CACNA1E: variants seen among roughly 807,000 people sequenced by gnomAD.
CACNA1E encodes voltage-dependent R-type calcium channel subunit alpha-1E.
CACNA1E carries 40 observed loss-of-function variants against 259.2 expected under a neutral mutation model. The observed-to-expected ratio is 0.15, with a 90% CI of 0.12 to 0.20. CACNA1E has a LOEUF of 0.20. Among genes scored for constraint, CACNA1E ranks in the 10% least tolerant of loss-of-function variants. The pLI, the probability that CACNA1E is intolerant of heterozygous loss-of-function variation, is 1.00. For synonymous variants in CACNA1E, 1,104 were observed against 1,138.5 expected, an observed-to-expected ratio of 0.97 and a Z score of 0.61; for missense variants, 1,874 against 3,040.1, an observed-to-expected ratio of 0.62 and a Z score of 9.02.
chr1:181,774,749 T>C (rs1240073344), intron 37 of CACNA1E, among the ~76,000 whole-genome samples: 1 of 152,204 alleles, frequency 6.6e-6, no homozygotes, highest in African/African-American at 2.4e-5. Flanking sequence ...ACTGTCTCCT[T>C]ATCCTGTACA....
At chr1:181,461,039 G>A (rs1487808396) in intron 2 of CACNA1E, among the ~76,000 whole-genome samples, 1 of 152,172 alleles carries the variant, frequency 6.6e-6, no homozygotes, top group Non-Finnish European at 1.5e-5. Context: ...GAATTGAGGT[G>A]GGTGCAACCT....
rs145713809 is a variant in CACNA1E, at chr1:181,454,483, AG to A, written c.435-29256del. On this transcript the variant is annotated intron_variant, in intron 2 of 11. Coordinates refer to the CACNA1E transcript ENST00000524607. ...TGAAATGAAGCTCCAAAGGCAAATCAGGGGGTGGCCCTGTCTTGACTCCCAA... is the reference window on the plus strand; with the variant it reads ...TGAAATGAAGCTCCAAAGGCAAATCAGGGGTGGCCCTGTCTTGACTCCCAA... Among the ~76,000 whole-genome samples, 327 of 152,338 alleles carry A rather than the reference AG, an allele frequency of 2.1e-3. 2 individuals are homozygous for A. Among genetic ancestry groups the A allele is most frequent in the African/African-American group, 7.6e-3 (317 of 41,582 alleles).
At chr1:181,705,648 T>C (rs1652721955) in intron 7 of CACNA1E, among the ~76,000 whole-genome samples, 1 of 152,222 alleles carries the variant, frequency 6.6e-6, no homozygotes, top group African/African-American at 2.4e-5. Context: ...GGTTTGGGGC[T>C]GGAGGAGCAA....
chr1:181,421,273 C>T (rs75866401), intron 2 of CACNA1E, among the ~76,000 whole-genome samples: 2,003 of 152,252 alleles, frequency 0.013, 15 homozygotes, highest in Non-Finnish European at 0.021. Flanking sequence ...TTGTAACCTC[C>T]GCATTTTTTG....
chr1:181,542,180 C>T (rs147938123), intron 3 of CACNA1E, among the ~76,000 whole-genome samples: 1 of 152,302 alleles, frequency 6.6e-6, no homozygotes, highest in Non-Finnish European at 1.5e-5. Flanking sequence ...CAGCTTGACT[C>T]CAACTGTGGT....
At chr1:181,716,936 G>A (rs1653950757) in intron 10 of CACNA1E, among the ~76,000 whole-genome samples, 157 bp from the exon 11 acceptor site, 2 of 152,202 alleles carry the variant, frequency 1.3e-5, no homozygotes, top group South Asian at 4.1e-4. Context: ...ACTGCCTATA[G>A]AAACTACTGA....
chr1:181,796,602 G>A, intron 46 of CACNA1E, 66 bp from the exon 47 acceptor site: 1 of 1,212,338 alleles, frequency 8.2e-7, no homozygotes, highest in Non-Finnish European at 1.1e-6. Flanking sequence ...TTGGAGAGAA[G>A]TCCCTTCATC....
chr1:181,576,269 C>T (rs1399155849), intron 3 of CACNA1E, among the ~76,000 whole-genome samples: 1 of 152,198 alleles, frequency 6.6e-6, no homozygotes, highest in Admixed American at 6.5e-5. Flanking sequence ...TTTAAATAAC[C>T]TTTACCCCAT....
intron 1 of CACNA1E, among the ~76,000 whole-genome samples, chr1:181,408,724 A>C (rs1000983096): frequency 1.3e-5 from 2 of 152,216 alleles, no homozygotes; most frequent in African/African-American, 4.8e-5. Flanking sequence ...TCATTAACCA[A>C]ACTTAGCAAT....
intron 1 of CACNA1E, among the ~76,000 whole-genome samples, chr1:181,382,243 C>T (rs1411172124): frequency 6.6e-6 from 1 of 152,120 alleles, no homozygotes; most frequent in Non-Finnish European, 1.5e-5. Flanking sequence ...GTTCTCAGAA[C>T]AGTTCAGGAG....
At chr1:181,696,831 G>A (rs773710555) in intron 7 of CACNA1E, among the ~76,000 whole-genome samples, 3 of 152,198 alleles carry the variant, frequency 2.0e-5, no homozygotes, top group South Asian at 2.1e-4. Context: ...TTGGTAGAGC[G>A]TGATTACTTG....
chr1:181,538,972 AATACAAGATCCCTCCTG>A (rs1668374177), intron 3 of CACNA1E, among the ~76,000 whole-genome samples: 1 of 152,190 alleles, frequency 6.6e-6, no homozygotes, highest in African/African-American at 2.4e-5. Context: ...TCTGCAGCAG[AATACAAGATCCCTCCTG>A]ACCTGACCAC....
At position 181,721,005 on chromosome 1, in the gene CACNA1E, ACT is replaced by A. The variant is rs1654368409; in HGVS notation, c.1956+151_1956+152del. Reference sequence around the variant, plus strand: ...CACTCTTTCTAGTTGAGCGGTCATTACTACAATAATCCCTAGAACTTCTGTGG... The same window carrying A: ...CACTCTTTCTAGTTGAGCGGTCATTAACAATAATCCCTAGAACTTCTGTGG... On this transcript the variant is annotated intron_variant, in intron 15 of 47. Transcript: ENST00000367573. 3.2e-5 allele frequency: 20 copies of A among 625,170 alleles called. No homozygotes were observed. In the South Asian group the frequency reaches 3.9e-4, roughly 12 times the overall value. 38.7% of individuals were successfully genotyped at this position (625,170 alleles called of 1,614,324 possible).
intron 5 of CACNA1E, 62 bp downstream of exon 5, chr1:181,579,286 T>C (rs1427338315): frequency 1.4e-6 from 2 of 1,385,934 alleles, no homozygotes; most frequent in Non-Finnish European, 2.0e-6. Flanking sequence ...TGGGGTAATT[T>C]CAGGGCACTT....
chr1:181,557,205 T>C (rs1407179910), intron 3 of CACNA1E, among the ~76,000 whole-genome samples: 3 of 152,188 alleles, frequency 2.0e-5, no homozygotes, highest in South Asian at 2.1e-4. Flanking sequence ...AGCAGGACTT[T>C]CCTGGCTGTG....
chr1:181,399,879 A>G (rs181812818), intron 1 of CACNA1E, among the ~76,000 whole-genome samples: 149 of 152,368 alleles, frequency 9.8e-4, no homozygotes, highest in Admixed American at 2.5e-3. Context: ...AATTTCATGG[A>G]TATCATTGCC....
chr1:181,610,004 T>C (rs1654596352), intron 6 of CACNA1E, among the ~76,000 whole-genome samples: 1 of 152,238 alleles, frequency 6.6e-6, no homozygotes, highest in Non-Finnish European at 1.5e-5. Context: ...CATGTCTTGT[T>C]ATCCAGTTTT....
intron 3 of CACNA1E, among the ~76,000 whole-genome samples, chr1:181,565,245 T>G (rs751063235): frequency 4.6e-5 from 7 of 152,220 alleles, no homozygotes; most frequent in Non-Finnish European, 1.0e-4. Flanking sequence ...TAACTTGGAC[T>G]AGTTTGAGCA....
In CACNA1E at chr1:181,785,770, G is replaced by A; in HGVS notation, c.5737G>A (p.Ala1913Thr). ...EPSSLPQEII[A>T]NAKALPYLQQ... ...TTCATCTCTGCCTCAGGAGATCATT[G>A]CTAATGCCAAAGCCCTGCCTTACCT... The change falls in exon 43 of 48, where the codon GCT becomes ACT. Residue 1913 changes from alanine to threonine, a missense_variant. This residue lies in a region of CACNA1E where 542 missense variants were observed against 587.2 expected (regional missense o/e 0.92). Transcript: ENST00000367573. The A allele has an allele frequency of 6.2e-7, 1 of 1,612,970 alleles. No individual in the cohort carries two copies. Among genetic ancestry groups the A allele is most frequent in the Non-Finnish European group, 8.5e-7 (1 of 1,179,668 alleles).
Sources: gnomAD v4.1 joint callset for allele counts (sites outside exome capture counted in the v4.1 genomes callset) on GRCh38, gnomAD v4.1.1 for gene constraint, gnomAD v4.1.1 regional missense constraint, MANE v1.5 for transcripts, NCBI Gene and HGNC (gene_info 2026-07-23, HGNC 2026-07-21) for gene names.